The following PTPRN2 variants were observed in gnomAD, a reference collection of about 807,000 sequenced individuals.
The protein encoded by PTPRN2 is receptor-type tyrosine-protein phosphatase N2.
A neutral mutation model predicts 118.8 loss-of-function variants in PTPRN2; 74 were observed. The ratio of observed to expected loss-of-function variants is 0.62; its 90% confidence interval spans 0.52 to 0.76. The LOEUF (loss-of-function observed/expected upper bound fraction) is 0.76, where lower values mean the gene tolerates loss of function less well. Ranked by LOEUF, PTPRN2 falls within the 30% of genes least tolerant of loss-of-function variation. The pLI, the probability that PTPRN2 is intolerant of heterozygous loss-of-function variation, is 0.00. For missense variants in PTPRN2, 1,481 were observed against 1,394.4 expected, an observed-to-expected ratio of 1.06 and a Z score of -0.99; for synonymous variants, 641 against 608.0, an observed-to-expected ratio of 1.05 and a Z score of -0.80.
intron 3 of PTPRN2, among the ~76,000 whole-genome samples, chr7:158,231,403 G>C (rs753809139): frequency 1.3e-5 from 2 of 151,990 alleles, no homozygotes; most frequent in Non-Finnish European, 2.9e-5. Flanking sequence ...GTGATAAAAG[G>C]GTCAATCAGC....
chr7:157,838,642 C>A (rs563158753), intron 12 of PTPRN2, among the ~76,000 whole-genome samples: 1 of 64,698 alleles, frequency 1.5e-5, no homozygotes. Flanking sequence ...GTGGATGGCA[C>A]GGGAGAAAGC....
At chr7:158,100,131 T>C (rs1308110232) in intron 10 of PTPRN2, among the ~76,000 whole-genome samples, 1 of 151,942 alleles carries the variant, frequency 6.6e-6, no homozygotes, top group Non-Finnish European at 1.5e-5. Context: ...ACATATGATG[T>C]TTGGTTTTCC....
rs911493237 is a variant in PTPRN2 at position 158,401,227 on chromosome 7, C to T, written c.164-84295G>A. Among the ~76,000 whole-genome samples the T allele has an allele frequency of 1.2e-4, 19 of 152,332 alleles. 1 individual carries two copies. The highest frequency in any genetic ancestry group is 3.6e-4 in the African/African-American group (15 of 41,576). Reference sequence around the variant, plus strand: ...AAGCCCCTCAGACCCAGGCTCATCCCGTGAGCAAGGAAGGCTGTGTGTATG... The same window carrying T: ...AAGCCCCTCAGACCCAGGCTCATCCTGTGAGCAAGGAAGGCTGTGTGTATG... On this transcript the variant is annotated intron_variant, in intron 2 of 22. Coordinates refer to ENST00000389418, the MANE Select transcript of PTPRN2 (RefSeq NM_002847.5).
intron 13 of PTPRN2, among the ~76,000 whole-genome samples, chr7:157,670,091 G>A (rs1796335235): frequency 6.6e-6 from 1 of 152,200 alleles, no homozygotes; most frequent in Admixed American, 6.5e-5. Flanking sequence ...GGAGCAGCAA[G>A]GGGCACGGCT....
chr7:157,998,258 A>T (rs13247131), intron 11 of PTPRN2, among the ~76,000 whole-genome samples: 94,079 of 151,780 alleles, frequency 0.62, 29,449 homozygotes, highest in East Asian at 0.87. Context: ...TGCCTTACCA[A>T]ATAATTAATT....
At chr7:157,804,459 C>T (rs1211176917) in intron 12 of PTPRN2, among the ~76,000 whole-genome samples, 1 of 152,186 alleles carries the variant, frequency 6.6e-6, no homozygotes, top group Non-Finnish European at 1.5e-5. Context: ...AGCTTCCATT[C>T]TGTAACCATG....
intron 11 of PTPRN2, among the ~76,000 whole-genome samples, chr7:157,997,865 G>A (rs1319991396): frequency 1.5e-5 from 2 of 129,764 alleles, no homozygotes; most frequent in African/African-American, 5.9e-5. Context: ...AGGGCTGGGG[G>A]AGAGTAGTGC....
At chr7:158,029,250 G>T (rs1396553142) in intron 11 of PTPRN2, 1 of 151,864 alleles carries the variant, frequency 6.6e-6, no homozygotes, top group Non-Finnish European at 1.5e-5. Flanking sequence ...TCTCGCCGGG[G>T]GCACGGGGTC....
At position 157,571,475 on chromosome 7, in the gene PTPRN2, G is replaced by C. The variant is rs1354123384; in HGVS notation, c.2802C>G (p.Tyr934Ter). 8 of 1,609,550 alleles carry C rather than the reference G, an allele frequency of 5.0e-6. No homozygotes were observed. The South Asian group carries it at 8.9e-5, about 18-fold the overall frequency. The change falls in exon 20 of 23, where the codon TAC becomes TAG. Residue 934 changes from tyrosine to a stop codon, truncating the protein, a stop_gained. Transcript: ENST00000389418. LOFTEE classifies it high-confidence loss of function. ...CAATTATTGGACAAGAACGGCCCCT[G>C]TAGCACTTGTTTACTTTTCTGAAAT... ...LDFRRKVNKC[Y>*]RGRSCPIIVH... is the part of the protein sequence containing the mutation.
intron 3 of PTPRN2, among the ~76,000 whole-genome samples, chr7:158,219,518 A>G (rs1370877326): frequency 1.3e-5 from 2 of 152,078 alleles, no homozygotes; most frequent in Non-Finnish European, 2.9e-5. Flanking sequence ...CTAGAAAAAA[A>G]AAGAACAAAC....
rs1816720781 is a variant in PTPRN2 at position 158,438,302 on chromosome 7, G to A, written c.163+51433C>T. Among the ~76,000 whole-genome samples, 1 of 152,052 alleles carries A rather than the reference G, an allele frequency of 6.6e-6. No homozygotes were observed. The highest frequency in any genetic ancestry group is 2.1e-4 in the South Asian group (1 of 4,826). ...TGAGGCAGGAGAATTGCTTGAACCT[G>A]GGAGGCAGAAGTTGCAGTGCCACTG... On this transcript the variant is annotated intron_variant, in intron 2 of 22. Coordinates refer to ENST00000389418, the MANE Select transcript of PTPRN2 (RefSeq NM_002847.5). The surrounding 1 kb of genome is among the most constrained non-coding windows in gnomAD (Gnocchi z 4.7).
At chr7:158,086,863 C>T (rs76858768) in intron 10 of PTPRN2, among the ~76,000 whole-genome samples, 3,691 of 152,300 alleles carry the variant, frequency 0.024, 132 homozygotes, top group African/African-American at 0.077. Context: ...TGTGTTGAAG[C>T]GCTTTCACAC....
intron 12 of PTPRN2, among the ~76,000 whole-genome samples, chr7:157,871,711 T>C (rs1939107854): frequency 6.6e-6 from 1 of 151,802 alleles, no homozygotes; most frequent in Non-Finnish European, 1.5e-5. Context: ...AACATTTCCC[T>C]AACACACATA....
intron 6 of PTPRN2, among the ~76,000 whole-genome samples, chr7:158,158,128 A>G (rs1443262762): frequency 6.6e-6 from 1 of 152,198 alleles, no homozygotes; most frequent in Non-Finnish European, 1.5e-5. Context: ...ATGCATTCAA[A>G]TATGAATGAA....
intron 14 of PTPRN2, among the ~76,000 whole-genome samples, chr7:157,628,605 A>G (rs551741449): frequency 6.6e-6 from 1 of 152,308 alleles, no homozygotes; most frequent in African/African-American, 2.4e-5. Flanking sequence ...ACTGAGCCCC[A>G]CGGGTGCACC....
At chr7:158,150,205 G>A (rs1001055353) in intron 6 of PTPRN2, among the ~76,000 whole-genome samples, 2 of 152,214 alleles carry the variant, frequency 1.3e-5, no homozygotes, top group African/African-American at 2.4e-5. Flanking sequence ...CCACCTTCAT[G>A]CTTCAGGAAC....
chr7:158,252,193 A>C (rs1348236260), intron 3 of PTPRN2, among the ~76,000 whole-genome samples: 1 of 152,166 alleles, frequency 6.6e-6, no homozygotes, highest in Non-Finnish European at 1.5e-5. Flanking sequence ...GGAACGCGAG[A>C]GCACTTGAGC....
chr7:157,577,819 C>G (rs889538164), intron 18 of PTPRN2, among the ~76,000 whole-genome samples: 4 of 152,194 alleles, frequency 2.6e-5, no homozygotes, highest in Admixed American at 2.0e-4. Context: ...ACTCAGCCTC[C>G]GTCCCCTGAA....
intron 11 of PTPRN2, among the ~76,000 whole-genome samples, chr7:157,904,856 C>T (rs1797681102): frequency 6.6e-6 from 1 of 152,238 alleles, no homozygotes; most frequent in African/African-American, 2.4e-5. Context: ...GCCTCCGCAG[C>T]ACAGCCCTGC....
Sources: allele counts gnomAD v4.1 joint callset (sites outside exome capture counted in the v4.1 genomes callset), GRCh38; gene constraint gnomAD v4.1.1; non-coding constraint Gnocchi (gnomAD v3.1); transcripts MANE v1.5; gene names NCBI Gene and HGNC (gene_info 2026-07-23, HGNC 2026-07-21).